NXPE2: variants seen among roughly 807,000 people sequenced by gnomAD.
The protein encoded by NXPE2 is NXPE family member 2.
NXPE2 carries 34 observed loss-of-function variants against 34.4 expected under a neutral mutation model. That is an observed-to-expected ratio of 0.99 (90% CI 0.75 to 1.31). The LOEUF (loss-of-function observed/expected upper bound fraction) is 1.31. Among genes scored for constraint, NXPE2 ranks in the 40% most tolerant of loss-of-function variants. NXPE2 has a pLI of 0.00. For synonymous variants in NXPE2, 235 were observed against 231.3 expected, an observed-to-expected ratio of 1.02 and a Z score of -0.15; for missense variants, 649 against 672.5, an observed-to-expected ratio of 0.97 and a Z score of 0.39.
the NXPE2 span, among the ~76,000 whole-genome samples, chr11:114,661,620 T>A: frequency 1.3e-5 from 2 of 152,332 alleles, no homozygotes; most frequent in Middle Eastern, 3.4e-3. Context: ...GGACAAAACC[T>A]TGATTGTTAC....
At chr11:114,711,317 A>T (rs1859608612), downstream of NXPE2, among the ~76,000 whole-genome samples, 2 of 152,138 alleles carry the variant, frequency 1.3e-5, no homozygotes, top group Non-Finnish European at 1.5e-5. Context: ...ACACAATTGG[A>T]AAAGCAGAAG....
chr11:114,750,437 TA>T, the NXPE2 span, among the ~76,000 whole-genome samples: 1 of 152,250 alleles, frequency 6.6e-6, no homozygotes, highest in Admixed American at 6.5e-5. Flanking sequence ...TGAAAGATTT[TA>T]TTGGCATCTA....
rs1951305713 is a variant in NXPE2 at position 114,698,565 on chromosome 11, G to C, written c.653G>C (p.Gly218Ala). The C allele has an allele frequency of 1.2e-6, 2 of 1,614,036 alleles. No individual in the cohort carries two copies. The highest frequency in any genetic ancestry group is 2.7e-5 in the African/African-American group (2 of 74,922). Residue 218 changes from glycine to alanine, a missense_variant, in exon 3 of 6, where the codon GGC (glycine) becomes GCC (alanine). Transcript: ENST00000389586. ...NQGCDRIIFT[G>A]LFANRSSNVF... ...GGATGTGATAGGATCATCTTCACTGGCCTGTTTGCCAACAGAAGCTCCAAT... is the reference window on the plus strand; with the variant it reads ...GGATGTGATAGGATCATCTTCACTGCCCTGTTTGCCAACAGAAGCTCCAAT...
the NXPE2 span, among the ~76,000 whole-genome samples, chr11:114,719,073 A>T: frequency 6.6e-6 from 1 of 152,172 alleles, no homozygotes; most frequent in Non-Finnish European, 1.5e-5. Flanking sequence ...TCTCTCCTCC[A>T]CTGTAAGATC....
At chr11:114,627,742 AAG>A in the NXPE2 span, among the ~76,000 whole-genome samples, 1 of 152,192 alleles carries the variant, frequency 6.6e-6, no homozygotes, top group African/African-American at 2.4e-5. Flanking sequence ...TTAAAGAGTC[AAG>A]ACCCATCAGT....
chr11:114,479,747 A>C, the NXPE2 span, among the ~76,000 whole-genome samples: 6 of 152,174 alleles, frequency 3.9e-5, no homozygotes, highest in Non-Finnish European at 1.5e-5. Flanking sequence ...ATTGGAGGGC[A>C]ATGGATGAGA....
chr11:114,495,485 A>G, the NXPE2 span, among the ~76,000 whole-genome samples: 1 of 151,722 alleles, frequency 6.6e-6, no homozygotes, highest in East Asian at 2.0e-4. Context: ...CTACCCCAGG[A>G]GCCCACTTGG....
the NXPE2 span, among the ~76,000 whole-genome samples, chr11:114,479,218 T>C: frequency 6.6e-6 from 1 of 152,160 alleles, no homozygotes; most frequent in Non-Finnish European, 1.5e-5. Context: ...ATACTTTCCT[T>C]TGGACACTCT....
the NXPE2 span, among the ~76,000 whole-genome samples, chr11:114,605,504 C>A: frequency 6.6e-6 from 1 of 151,690 alleles, no homozygotes; most frequent in Non-Finnish European, 1.5e-5. Context: ...ATAAGTGTTG[C>A]CCCGTGGGTA....
At chr11:114,542,455 A>AT in the NXPE2 span, among the ~76,000 whole-genome samples, 1 of 152,324 alleles carries the variant, frequency 6.6e-6, no homozygotes, top group South Asian at 2.1e-4. Context: ...GATGAATCAT[A>AT]TATTTATTTA....
chr11:114,583,549 C>T, the NXPE2 span: 1 of 601,462 alleles, frequency 1.7e-6, no homozygotes, highest in Admixed American at 1.9e-5. Flanking sequence ...TTAGTGAGGA[C>T]TGTCCAGCAT....
At chr11:114,746,626 C>T in the NXPE2 span, among the ~76,000 whole-genome samples, 2 of 151,948 alleles carry the variant, frequency 1.3e-5, no homozygotes, top group Admixed American at 1.3e-4. Context: ...CTGAGGTGGG[C>T]GGATCATGAG....
At chr11:114,617,488 G>A in the NXPE2 span, among the ~76,000 whole-genome samples, 12 of 152,008 alleles carry the variant, frequency 7.9e-5, no homozygotes, top group Admixed American at 1.3e-4. Flanking sequence ...ATGTTGCCTC[G>A]TGGGTAACCA....
chr11:114,742,122 C>T, the NXPE2 span, among the ~76,000 whole-genome samples: 3 of 152,212 alleles, frequency 2.0e-5, no homozygotes, highest in South Asian at 4.2e-4. Context: ...GAAAGCCTCT[C>T]ATTTGTTTTC....
the NXPE2 span, among the ~76,000 whole-genome samples, chr11:114,633,003 ATATATAT>A: frequency 9.5e-6 from 1 of 105,144 alleles, no homozygotes; most frequent in South Asian, 2.6e-4. Flanking sequence ...ATATATAATA[ATATATAT>A]TATATAATAT....
the NXPE2 span, among the ~76,000 whole-genome samples, chr11:114,535,917 C>G: frequency 0.43 from 65,683 of 151,548 alleles, 15,338 homozygotes; most frequent in East Asian, 0.66. Flanking sequence ...GAACTCAGCT[C>G]TGCACCAAGC....
the NXPE2 span, among the ~76,000 whole-genome samples, chr11:114,606,448 G>A: frequency 6.6e-6 from 1 of 151,748 alleles, no homozygotes. Context: ...GTTTTACCTG[G>A]GAGATAATGT....
chr11:114,525,532 T>G, the NXPE2 span, among the ~76,000 whole-genome samples: 1 of 152,094 alleles, frequency 6.6e-6, no homozygotes, highest in Non-Finnish European at 1.5e-5. Flanking sequence ...AAAGCAAGGT[T>G]GGGAAAAACA....
rs773266644 is a variant in NXPE2 at position 114,696,340 on chromosome 11, C to CAAAAAAAAAAAAA, written c.133-1698_133-1686dup. Reference sequence around the variant, plus strand: ...GAGTGAGACTCCATATCAAAAAAACCAAAAAAAAAAAAAAAAAAAGAAAGA... The same window carrying CAAAAAAAAAAAAA: ...GAGTGAGACTCCATATCAAAAAAACCAAAAAAAAAAAAAAAAAAAAAAAAAAAAAAAAGAAAGA... On this transcript the variant is annotated intron_variant, in intron 2 of 5. Transcript: ENST00000389586. 1.8e-3 allele frequency among the ~76,000 whole-genome samples: 113 copies of CAAAAAAAAAAAAA among 64,526 alleles called. 1 individual carries two copies. The highest frequency in any genetic ancestry group is 9.4e-3 in the Middle Eastern group (1 of 106). The allele number at this position is 64,526 out of a possible 152,430, so 42.3% of individuals were successfully genotyped here.
Sources: allele counts gnomAD v4.1 joint callset (sites outside exome capture counted in the v4.1 genomes callset), GRCh38; gene constraint gnomAD v4.1.1; transcripts MANE v1.5; gene names NCBI Gene and HGNC (gene_info 2026-07-23, HGNC 2026-07-21).